The following ORC1 variants were observed in gnomAD, a reference collection of about 807,000 sequenced individuals.
The protein encoded by ORC1 is origin recognition complex subunit 1.
In ORC1, 61 loss-of-function variants were observed where a neutral mutation model predicts 98.9. That is an observed-to-expected ratio of 0.62 (90% CI 0.50 to 0.76). ORC1 has a LOEUF of 0.76. Ranked by LOEUF, ORC1 falls within the 30% of genes least tolerant of loss-of-function variation. ORC1 has a pLI of 0.00. For missense variants in ORC1, 979 were observed against 1,072.2 expected, an observed-to-expected ratio of 0.91 and a Z score of 1.21; for synonymous variants, 385 against 406.9, an observed-to-expected ratio of 0.95 and a Z score of 0.65.
chr1:52,392,106 T>G (rs1286055073), intron 6 of ORC1, among the ~76,000 whole-genome samples: 1 of 151,986 alleles, frequency 6.6e-6, no homozygotes, highest in Non-Finnish European at 1.5e-5. Flanking sequence ...ATAATAGATG[T>G]TGGTGTGGAT....
chr1:52,384,596 C>A lies in ORC1; in HGVS notation c.1709G>T (p.Gly570Val). Residue 570 changes from glycine to valine, a missense_variant, in exon 11 of 17, where the codon GGC (glycine) becomes GTC (valine). Transcript: ENST00000371568. Reference protein sequence around the residue: ...VPPFQYIEVNGMKLTEPHQVY... With the variant: ...VPPFQYIEVNVMKLTEPHQVY... Reference sequence around the variant, plus strand: ...TTGGTGGGGCTCCGTCAGCTTCATGCCATTGACCTCAATGTATTGAAAGGG... The same window carrying A: ...TTGGTGGGGCTCCGTCAGCTTCATGACATTGACCTCAATGTATTGAAAGGG... The A allele has an allele frequency of 1.2e-6, 2 of 1,614,126 alleles. No homozygotes were observed. Among genetic ancestry groups the A allele is most frequent in the Non-Finnish European group, 1.7e-6 (2 of 1,179,996 alleles).
upstream of ORC1, chr1:52,408,878 T>C: frequency 1.8e-6 from 1 of 568,642 alleles, no homozygotes; most frequent in East Asian, 3.2e-5. Context: ...CGTGTTGGCC[T>C]TACCCAGCCT....
At chr1:52,405,652 A>G (rs773409532), upstream of ORC1, 8 of 1,610,356 alleles carry the variant, frequency 5.0e-6, no homozygotes, top group African/African-American at 1.3e-5. Flanking sequence ...TAGCCCTAAT[A>G]TGTTACTGTA....
At position 52,383,596 on chromosome 1, in the gene ORC1, G is replaced by C. The variant is rs1417444410; in HGVS notation, c.1864-27C>G. 5 of 1,613,332 alleles carry C rather than the reference G, an allele frequency of 3.1e-6. No homozygotes were observed. In the South Asian group the frequency reaches 3.3e-5, roughly 11 times the overall value. ...TGCCAGGGCAAAGGAGAGAGGTGCA[G>C]AGTCAATCACAGAGACTGAGCTGGT... On this transcript the variant is annotated intron_variant, in intron 12 of 16. Transcript: ENST00000371568.
intron 5 of ORC1, among the ~76,000 whole-genome samples, chr1:52,395,799 C>A (rs1220466834): frequency 6.6e-6 from 1 of 152,116 alleles, no homozygotes; most frequent in Non-Finnish European, 1.5e-5. Context: ...CTGGGTGACA[C>A]AGCAAGACTC....
chr1:52,404,553 C>A, upstream of ORC1: 1 of 537,684 alleles, frequency 1.9e-6, no homozygotes, highest in Non-Finnish European at 3.3e-6. Flanking sequence ...CGCTAACATG[C>A]AGCCGCCATC....
At chr1:52,404,896 G>A, upstream of ORC1, 1 of 1,612,698 alleles carries the variant, frequency 6.2e-7, no homozygotes. Context: ...GGAAGCGCGC[G>A]GAGCGCCTCT....
At chr1:52,399,088 A>G (rs1391415516) in intron 3 of ORC1, among the ~76,000 whole-genome samples, 1 of 152,222 alleles carries the variant, frequency 6.6e-6, no homozygotes, top group Non-Finnish European at 1.5e-5. Context: ...AAGGAATGAC[A>G]AAAAGGCCTC....
At chr1:52,381,429 C>T (rs188659036) in intron 14 of ORC1, among the ~76,000 whole-genome samples, 192 of 152,290 alleles carry the variant, frequency 1.3e-3, no homozygotes, top group African/African-American at 4.2e-3. Flanking sequence ...TGAATGAATT[C>T]ATATTAGTTT....
intron 3 of ORC1, among the ~76,000 whole-genome samples, chr1:52,399,822 C>T (rs1647615748): frequency 6.6e-6 from 1 of 151,262 alleles, no homozygotes; most frequent in Non-Finnish European, 1.5e-5. Context: ...CACACACACA[C>T]ACACACACAC....
At chr1:52,408,696 T>A, upstream of ORC1, 1 of 1,613,904 alleles carries the variant, frequency 6.2e-7, no homozygotes, top group East Asian at 2.2e-5. Context: ...TGGGGGTAAG[T>A]ATGGTGCTAA....
At chr1:52,402,762 C>T (rs1647778662) in intron 1 of ORC1, among the ~76,000 whole-genome samples, 1 of 152,132 alleles carries the variant, frequency 6.6e-6, no homozygotes, top group East Asian at 1.9e-4. Context: ...GGTGAAACCC[C>T]GTCTCTACTA....
rs372824271 is a variant in ORC1, at chr1:52,397,780, A to G, written c.307T>C (p.Leu103=). The G allele has an allele frequency of 3.1e-6, 5 of 1,614,236 alleles. No homozygotes were observed. The highest frequency in any genetic ancestry group is 4.2e-6 in the Non-Finnish European group (5 of 1,180,036). The part of the protein sequence containing the change: ...CEVPACKRHL[L]GRKPGAQEIF... The stretch of plus-strand genomic sequence containing the variant: ...TCCTGTGCACCAGGCTTCCGGCCCA[A>G]CAAATGCCGTTTACAGGCAGGGACT... The change falls in exon 4 of 17, where the codon TTG becomes CTG. Residue 103 remains leucine, a synonymous_variant. Coordinates refer to ENST00000371568, the MANE Select transcript of ORC1 (RefSeq NM_004153.4).
intron 14 of ORC1, among the ~76,000 whole-genome samples, chr1:52,377,719 A>AC (rs1412515339): frequency 1.1e-4 from 16 of 151,820 alleles, no homozygotes; most frequent in African/African-American, 3.6e-4. Context: ...AAAAAAAAAA[A>AC]AAAAACAAAT....
intron 5 of ORC1, among the ~76,000 whole-genome samples, chr1:52,395,834 A>C (rs1351229049): frequency 6.6e-6 from 1 of 152,080 alleles, no homozygotes; most frequent in Non-Finnish European, 1.5e-5. Flanking sequence ...AAAACAAAAA[A>C]ACCCAGAAAA....
intron 3 of ORC1, among the ~76,000 whole-genome samples, chr1:52,400,605 G>A (rs556484889): frequency 1.8e-4 from 27 of 152,274 alleles, no homozygotes; most frequent in African/African-American, 6.5e-4. Flanking sequence ...TCTCTTGAAC[G>A]AGGCAGTTTT....
At chr1:52,399,360 C>T (rs1355978074) in intron 3 of ORC1, among the ~76,000 whole-genome samples, 2 of 152,108 alleles carry the variant, frequency 1.3e-5, no homozygotes, top group Non-Finnish European at 2.9e-5. Context: ...TGCGGCGGCT[C>T]ACGCCTGTAA....
intron 10 of ORC1, 140 bp downstream of exon 10, chr1:52,385,020 AG>A: frequency 1.3e-6 from 1 of 755,094 alleles, no homozygotes; most frequent in Non-Finnish European, 2.4e-6. Flanking sequence ...CAAATGTTTC[AG>A]AAGCTTTGGG....
chr1:52,389,134 C>A, intron 7 of ORC1, 83 bp downstream of exon 7: 1 of 998,222 alleles, frequency 1.0e-6, no homozygotes. Flanking sequence ...GGCAAATAAA[C>A]AGTATAAGAG....
Sources: allele counts gnomAD v4.1 joint callset (sites outside exome capture counted in the v4.1 genomes callset), GRCh38; gene constraint gnomAD v4.1.1; transcripts MANE v1.5; gene names NCBI Gene and HGNC (gene_info 2026-07-23, HGNC 2026-07-21).